RFC3: variants seen among roughly 807,000 people sequenced by gnomAD.
The protein encoded by RFC3 is A1 38 kDa subunit.
Under a neutral mutation model 45.1 loss-of-function variants are expected in RFC3, and 41 were observed. The observed-to-expected ratio is 0.91, with a 90% CI of 0.71 to 1.18. The LOEUF is 1.18. Among genes scored for constraint, RFC3 ranks in the 50% most tolerant of loss-of-function variants. The pLI, the probability that RFC3 is intolerant of heterozygous loss-of-function variation, is 0.00. For missense variants in RFC3, 423 were observed against 428.1 expected (o/e 0.99, Z 0.10); for synonymous variants, 149 against 144.0 (o/e 1.03, Z -0.25).
chr13:33,932,269 T>TA (rs35897461), intron 8 of RFC3, among the ~76,000 whole-genome samples: 2 of 152,154 alleles, frequency 1.3e-5, no homozygotes, highest in Admixed American at 1.3e-4. Context: ...TTAATGCCAT[T>TA]AAAAAAGTTA....
chr13:33,835,954 G>T (rs2082150154), intron 8 of RFC3, 150 bp from the exon 9 acceptor site: 1 of 835,900 alleles, frequency 1.2e-6, no homozygotes, highest in Non-Finnish European at 1.8e-6. Context: ...TTTGCTTTTG[G>T]ATGAAGGTCG....
intron 8 of RFC3, among the ~76,000 whole-genome samples, chr13:33,902,638 A>G (rs1001338398): frequency 6.6e-5 from 10 of 152,008 alleles, no homozygotes; most frequent in Non-Finnish European, 1.3e-4. Context: ...TTTACCCCTT[A>G]TTCATTTACT....
At chr13:33,888,945 C>T (rs1320688831) in intron 8 of RFC3, among the ~76,000 whole-genome samples, 1 of 152,118 alleles carries the variant, frequency 6.6e-6, no homozygotes. Context: ...GGGGTTTCAC[C>T]GTGTTAGCCA....
intron 8 of RFC3, among the ~76,000 whole-genome samples, chr13:33,882,224 A>G (rs1351857879): frequency 1.3e-5 from 2 of 152,250 alleles, no homozygotes; most frequent in African/African-American, 4.8e-5. Context: ...ATATAGTGCT[A>G]TGAACTAAAC....
At chr13:33,956,026 A>G (rs2083019739) in intron 8 of RFC3, among the ~76,000 whole-genome samples, 1 of 152,244 alleles carries the variant, frequency 6.6e-6, no homozygotes, top group Non-Finnish European at 1.5e-5. Flanking sequence ...TAACAACTGT[A>G]TCATTCACCA....
rs187047536 is a variant in RFC3, at chr13:33,858,665, G to A, written c.879+23448G>A. ...AATTTGGACCCACGGTCATACCTAC[G>A]GTTGGAGAACAGTGGGGCATATGAT... On this transcript the variant is annotated intron_variant, in intron 8 of 8. Transcript: ENST00000434425. Among the ~76,000 whole-genome samples, 35 of 152,244 alleles carry A rather than the reference G, an allele frequency of 2.3e-4. 1 individual carries two copies. In the East Asian group the frequency reaches 4.8e-3, roughly 21 times the overall value.
intron 8 of RFC3, among the ~76,000 whole-genome samples, chr13:33,944,362 T>C (rs1429717966): frequency 6.6e-6 from 1 of 152,232 alleles, no homozygotes; most frequent in Non-Finnish European, 1.5e-5. Flanking sequence ...CTTCCAACGC[T>C]GCTCATTATA....
chr13:33,898,487 T>C (rs575132712), intron 8 of RFC3, among the ~76,000 whole-genome samples: 1 of 151,748 alleles, frequency 6.6e-6, no homozygotes, highest in Non-Finnish European at 1.5e-5. Flanking sequence ...CATACCAAAA[T>C]CTATGGGATA....
chr13:33,818,177 C>T lies in RFC3; in HGVS notation c.-2C>T. ...CGTAGGCCCCCGGGAACTCGAGCTG[C>T]CATGAGCCTCTGGGTGGACAAGTAT... is the stretch of plus-strand genomic sequence containing the variant. On this transcript the variant is annotated 5_prime_UTR_variant, in exon 1 of 9. Transcript: ENST00000380071. 1 of 1,612,596 alleles carries T rather than the reference C, an allele frequency of 6.2e-7. No individual in the cohort carries two copies. Among genetic ancestry groups the T allele is most frequent in the Non-Finnish European group, 8.5e-7 (1 of 1,179,430 alleles).
intron 8 of RFC3, among the ~76,000 whole-genome samples, chr13:33,898,721 G>T (rs1405999141): frequency 1.3e-5 from 2 of 151,658 alleles, no homozygotes; most frequent in African/African-American, 2.4e-5. Flanking sequence ...CAAAAAGTTG[G>T]TTTTTTGAAC....
At chr13:33,916,586 T>C (rs2082734831) in intron 8 of RFC3, among the ~76,000 whole-genome samples, 1 of 152,150 alleles carries the variant, frequency 6.6e-6, no homozygotes, top group South Asian at 2.1e-4. Flanking sequence ...GTTTGGCTAA[T>C]AGCACCAGTG....
At chr13:33,909,365 C>T (rs563684063) in intron 8 of RFC3, among the ~76,000 whole-genome samples, 1 of 152,148 alleles carries the variant, frequency 6.6e-6, no homozygotes, top group South Asian at 2.1e-4. Flanking sequence ...GCTTCTCCTA[C>T]AGTCCACATA....
chr13:33,865,828 T>TGGATCACCTGAGGTCGGGA (rs1030716410), intron 8 of RFC3, among the ~76,000 whole-genome samples: 1 of 151,744 alleles, frequency 6.6e-6, no homozygotes, highest in Non-Finnish European at 1.5e-5. Flanking sequence ...CTGAGGCGGG[T>TGGATCACCTGAGGTCGGGA]GGATCACCTG....
At chr13:33,895,812 A>G (rs1311252594) in intron 8 of RFC3, among the ~76,000 whole-genome samples, 1 of 152,192 alleles carries the variant, frequency 6.6e-6, no homozygotes. Flanking sequence ...ACACCATAGA[A>G]TACTACACAG....
chr13:33,850,039 TATTA>T (rs561594646), intron 8 of RFC3: 1 of 152,232 alleles, frequency 6.6e-6, no homozygotes, highest in Admixed American at 6.5e-5. Flanking sequence ...TGTTTTCAAT[TATTA>T]ATTGTCAATA....
At chr13:33,878,013 A>G (rs2082459422) in intron 8 of RFC3, among the ~76,000 whole-genome samples, 1 of 151,980 alleles carries the variant, frequency 6.6e-6, no homozygotes, top group African/African-American at 2.4e-5. Context: ...TGAGCTTTCC[A>G]TATCTACAGC....
intron 8 of RFC3, among the ~76,000 whole-genome samples, chr13:33,880,827 G>A (rs2082478293): frequency 6.6e-6 from 1 of 152,188 alleles, no homozygotes. Context: ...GGAGGCAGGG[G>A]TGGGCAGATC....
chr13:33,907,111 A>G (rs943646782), intron 8 of RFC3, among the ~76,000 whole-genome samples: 16 of 152,120 alleles, frequency 1.1e-4, no homozygotes, highest in African/African-American at 3.6e-4. Flanking sequence ...TACATGAGCC[A>G]CTGCCACTAG....
rs148316266 is a variant in RFC3, at chr13:33,955,691, C to G, written c.880-10396C>G. ...ATTGAACTTAAACATGAATGTACTT[C>G]AAGCAGTAGCTTAAAGTATATTCTA... On this transcript the variant is annotated intron_variant, in intron 8 of 8. Transcript: ENST00000434425. 3.8e-3 allele frequency among the ~76,000 whole-genome samples: 579 copies of G among 152,294 alleles called. 2 individuals are homozygous for G. The highest frequency in any genetic ancestry group is 6.8e-3 in the Middle Eastern group (2 of 294).
Sources: allele counts gnomAD v4.1 joint callset (sites outside exome capture counted in the v4.1 genomes callset), GRCh38; gene constraint gnomAD v4.1.1; transcripts MANE v1.5; gene names NCBI Gene and HGNC (gene_info 2026-07-23, HGNC 2026-07-21).